Variants in PTGDR observed in about 807,000 individuals in gnomAD.
PTGDR encodes prostaglandin D2 receptor.
A neutral mutation model predicts 17.4 loss-of-function variants in PTGDR; 19 were observed. The ratio of observed to expected loss-of-function variants is 1.09; its 90% CI spans 0.76 to 1.60. The LOEUF is 1.60. Among genes scored for constraint, PTGDR ranks in the 40% most tolerant of loss-of-function variants. The pLI is 0.00. For synonymous variants in PTGDR, 267 were observed against 224.2 expected (o/e 1.19, Z -1.71); for missense variants, 526 against 481.9 (o/e 1.09, Z -0.86).
At chr14:52,271,811 A>G (rs2140005662) in intron 1 of PTGDR, among the ~76,000 whole-genome samples, 1 of 152,356 alleles carries the variant, frequency 6.6e-6, no homozygotes. Context: ...CATGTTTGTA[A>G]TGACAGTAGT....
rs753025261 is a variant in PTGDR, at chr14:52,274,761, G to T, written c.877G>T (p.Val293Phe). Residue 293 changes from valine (V) to phenylalanine (F), a missense_variant, in exon 2 of 2, where the codon GTC (valine) becomes TTC (phenylalanine). Transcript: ENST00000306051. ...YRAYYGAFKD[V>F]KEKNRTSEEA... is the part of the protein sequence containing the mutation. ...CGCTTACTATGGAGCATTTAAGGAT[G>T]TCAAGGAGAAAAACAGGACCTCTGA... 6.2e-7 allele frequency: 1 copy of T among 1,613,168 alleles called. No homozygotes were observed. The highest frequency in any genetic ancestry group is 1.3e-5 in the African/African-American group (1 of 75,022).
chr14:52,278,150 A>T (rs2033451291), downstream of PTGDR, among the ~76,000 whole-genome samples: 1 of 152,248 alleles, frequency 6.6e-6, no homozygotes. Flanking sequence ...TCATGCTGCT[A>T]TAAAAACACA....
chr14:52,268,385 G>C lies in PTGDR; in HGVS notation c.571G>C (p.Glu191Gln). The change falls in exon 1 of 2, where the codon GAG (glutamate) becomes CAG (glutamine). Residue 191 changes from glutamate (E) to glutamine (Q), a missense_variant. By Grantham distance (29) the Glu-to-Gln change is conservative (BLOSUM62 2). Transcript: ENST00000306051. Reference sequence around the variant, plus strand: ...GTGCTTTATCCAGATGGTCCACGAGGAGGGCTCGCTGTCGGTGCTGGGGTA... The same window carrying C: ...GTGCTTTATCCAGATGGTCCACGAGCAGGGCTCGCTGTCGGTGCTGGGGTA... The part of the protein sequence containing the change: ...TWCFIQMVHE[E>Q]GSLSVLGYSV... The C allele has an allele frequency of 1.2e-6, 2 of 1,612,412 alleles. No individual in the cohort carries two copies. Among genetic ancestry groups the C allele is most frequent in the Non-Finnish European group, 1.7e-6 (2 of 1,180,034 alleles).
intron 1 of PTGDR, 64 bp from the exon 2 acceptor site, chr14:52,274,667 T>A: frequency 7.4e-7 from 1 of 1,343,754 alleles, no homozygotes; most frequent in Admixed American, 1.8e-5. Flanking sequence ...TTAGGTGAAG[T>A]AAGTGAATCC....
chr14:52,270,447 G>A (rs887807217), intron 1 of PTGDR, among the ~76,000 whole-genome samples: 6 of 152,106 alleles, frequency 3.9e-5, no homozygotes, highest in African/African-American at 1.4e-4. Flanking sequence ...GGAGGCTGAG[G>A]CAGGAGAATC....
intron 1 of PTGDR, among the ~76,000 whole-genome samples, chr14:52,269,219 C>A (rs1446620621): frequency 1.3e-5 from 2 of 152,150 alleles, no homozygotes; most frequent in Admixed American, 6.5e-5. Context: ...AAAACGCGTG[C>A]GTAAACTTTG....
chr14:52,277,652 G>A (rs2033446393), downstream of PTGDR, among the ~76,000 whole-genome samples: 1 of 152,130 alleles, frequency 6.6e-6, no homozygotes, highest in African/African-American at 2.4e-5. Context: ...TTCCACTCTA[G>A]CATTCTCTTG....
chr14:52,271,910 G>T (rs544578824), intron 1 of PTGDR, among the ~76,000 whole-genome samples: 1 of 152,132 alleles, frequency 6.6e-6, no homozygotes, highest in Admixed American at 6.6e-5. Context: ...ATCTGAAGGG[G>T]GAGACATGGG....
In PTGDR at chr14:52,268,097, G is replaced by C; in HGVS notation, c.283G>C (p.Val95Leu). Residue 95 changes from valine to leucine, a missense_variant, in exon 1 of 2, where the codon GTG (valine) becomes CTG (leucine). Val to Leu is a conservative substitution (Grantham distance 32). Coordinates refer to ENST00000306051, the MANE Select transcript of PTGDR (RefSeq NM_000953.3). ...AAYAQNRSLR[V>L]LAPALDNSLC... ...CTACGCTCAGAACCGGAGTCTGCGG[G>C]TGCTTGCGCCCGCATTGGACAACTC... is the stretch of plus-strand genomic sequence containing the variant. The C allele has an allele frequency of 1.2e-6, 2 of 1,613,928 alleles. No homozygotes were observed. Among genetic ancestry groups the C allele is most frequent in the Non-Finnish European group, 1.7e-6 (2 of 1,180,050 alleles).
chr14:52,268,704 G>C (rs200847949), intron 1 of PTGDR, 44 bp downstream of exon 1: 8 of 1,514,002 alleles, frequency 5.3e-6, no homozygotes, highest in Non-Finnish European at 7.1e-6. Flanking sequence ...GAGACTGTCC[G>C]GCCGCGGATG....
In PTGDR at chr14:52,270,460, T is replaced by C. The variant is rs144551337; in HGVS notation, c.846+1800T>C. 2.2e-4 allele frequency among the ~76,000 whole-genome samples: 34 copies of C among 152,208 alleles called. No individual in the cohort carries two copies. In the East Asian group the frequency reaches 6.6e-3, roughly 29 times the overall value. On this transcript the variant is annotated intron_variant, in intron 1 of 1. Coordinates refer to ENST00000306051, the MANE Select transcript of PTGDR (RefSeq NM_000953.3). Reference sequence around the variant, plus strand: ...CAGGAGGCTGAGGCAGGAGAATCGCTTGAACCTGGGAGGCAGAGGTTGCAG... The same window carrying C: ...CAGGAGGCTGAGGCAGGAGAATCGCCTGAACCTGGGAGGCAGAGGTTGCAG...
intron 1 of PTGDR, 56 bp downstream of exon 1, chr14:52,268,716 G>A (rs997943934): frequency 1.3e-6 from 2 of 1,497,140 alleles, no homozygotes; most frequent in East Asian, 2.3e-5. Flanking sequence ...CCGCGGATGC[G>A]GGGCGGGAAG....
downstream of PTGDR, among the ~76,000 whole-genome samples, chr14:52,277,389 A>C (rs1421975056): frequency 6.6e-6 from 1 of 152,240 alleles, no homozygotes; most frequent in Non-Finnish European, 1.5e-5. Context: ...AGTTTACATA[A>C]GAGAAAATAC....
In PTGDR at chr14:52,275,426, C is replaced by T. The variant is rs1213355128; in HGVS notation, c.*462C>T. ...GAAACCTGATTCATTGATTTTATAT[C>T]ATTGCCGATGTTTAGTTCATTTCTT... On this transcript the variant is annotated 3_prime_UTR_variant, in exon 2 of 2. Coordinates refer to ENST00000306051, the MANE Select transcript of PTGDR (RefSeq NM_000953.3). The T allele has an allele frequency of 6.4e-6, 1 of 157,464 alleles. No individual in the cohort carries two copies. The highest frequency in any genetic ancestry group is 6.2e-5 in the Admixed American group (1 of 16,168). The allele number at this position is 157,464 out of a possible 1,614,324, so 9.8% of individuals were successfully genotyped here. A position where few individuals can be genotyped will look rare whatever the true frequency, so the allele number is the denominator to read the frequency against.
chr14:52,274,904 T>C lies in PTGDR; in HGVS notation c.1020T>C (p.Ile340=). The C allele has an allele frequency of 2.5e-6, 4 of 1,607,034 alleles. No homozygotes were observed. Among genetic ancestry groups the C allele is most frequent in the South Asian group, 1.1e-5 (1 of 90,898 alleles). Residue 340 remains isoleucine, a synonymous_variant, in exon 2 of 2, where the codon ATT becomes ATC. Coordinates refer to ENST00000306051, the MANE Select transcript of PTGDR (RefSeq NM_000953.3). ...VFRIFFHKIF[I]RPLRYRSRCS... ...GGATATTTTTTCACAAGATTTTCATTAGACCTCTTAGGTACAGGAGCCGGT... is the reference window on the plus strand; with the variant it reads ...GGATATTTTTTCACAAGATTTTCATCAGACCTCTTAGGTACAGGAGCCGGT...
At position 52,267,800 on chromosome 14, in the gene PTGDR, C is replaced by T; in HGVS notation, c.-15C>T. 6.5e-7 allele frequency: 1 copy of T among 1,542,830 alleles called. No homozygotes were observed. Among genetic ancestry groups the T allele is most frequent in the Non-Finnish European group, 8.7e-7 (1 of 1,144,512 alleles). ...CTTCCGCAGCCTTCACTCCAGCCCT[C>T]TGCTCCCGCACGCCATGAAGTCGCC... On this transcript the variant is annotated 5_prime_UTR_variant, in exon 1 of 2. Coordinates refer to ENST00000306051, the MANE Select transcript of PTGDR (RefSeq NM_000953.3).
intron 1 of PTGDR, chr14:52,269,382 C>T: frequency 7.0e-6 from 9 of 1,282,848 alleles, no homozygotes; most frequent in Non-Finnish European, 9.8e-6. Flanking sequence ...GACATGAAAG[C>T]CATTATCTCC....
rs1338520145 is a variant in PTGDR, at chr14:52,267,742, GC to G, written c.-72del. Reference sequence around the variant, plus strand: ...CGAGCCGCGCGCGGAGCTGCCGGGGGCTCCTTAGCACCCGGGCGCCGGGGCC... The same window carrying G: ...CGAGCCGCGCGCGGAGCTGCCGGGGGTCCTTAGCACCCGGGCGCCGGGGCC... On this transcript the variant is annotated 5_prime_UTR_variant, in exon 1 of 2. Transcript: ENST00000306051. The G allele has an allele frequency of 1.5e-5, 22 of 1,467,244 alleles. No individual in the cohort carries two copies. The highest frequency in any genetic ancestry group is 1.7e-5 in the Non-Finnish European group (19 of 1,114,552). 90.9% of individuals were successfully genotyped at this position (1,467,244 alleles called of 1,614,324 possible).
chr14:52,274,254 T>C (rs1159581304), intron 1 of PTGDR, among the ~76,000 whole-genome samples: 1 of 152,198 alleles, frequency 6.6e-6, no homozygotes, highest in Non-Finnish European at 1.5e-5. Context: ...TCCATACATA[T>C]GACATTTCAC....
Sources: gnomAD v4.1 joint callset for allele counts (sites outside exome capture counted in the v4.1 genomes callset) on GRCh38, gnomAD v4.1.1 for gene constraint, MANE v1.5 for transcripts, NCBI Gene and HGNC (gene_info 2026-07-23, HGNC 2026-07-21) for gene names.